ATE1: variants seen among roughly 807,000 people sequenced by gnomAD.
The protein encoded by ATE1 is arginyltransferase 1.
Under a neutral mutation model 70.5 loss-of-function variants are expected in ATE1, and 36 were observed. That is an observed-to-expected ratio of 0.51 (90% CI 0.39 to 0.67). The LOEUF is 0.67. Among genes scored for constraint, ATE1 ranks in the 30% least tolerant of loss-of-function variants. The probability of loss-of-function intolerance (pLI) is 0.00; values close to 1 mark genes in which losing one functional copy is unlikely to be tolerated. For missense variants in ATE1, 593 were observed against 629.5 expected, an observed-to-expected ratio of 0.94 and a Z score of 0.62; for synonymous variants, 232 against 219.3, an observed-to-expected ratio of 1.06 and a Z score of -0.51.
At chr10:121,927,147 A>C in intron 1 of ATE1, 1 of 985,376 alleles carries the variant, frequency 1.0e-6, no homozygotes, top group Non-Finnish European at 1.2e-6. Context: ...CCAGCAACAA[A>C]TCTCCCCCAA....
At position 121,840,977 on chromosome 10, in the gene ATE1, A is replaced by C. The variant is rs1049892393; in HGVS notation, c.1157+105T>G. The C allele has an allele frequency of 2.9e-6, 3 of 1,044,894 alleles. No homozygotes were observed. The African/African-American group carries it at 4.9e-5, about 17-fold the overall frequency. The allele number at this position is 1,044,894 out of a possible 1,614,324, so 64.7% of individuals were successfully genotyped here. On this transcript the variant is annotated intron_variant, in intron 9 of 11. Coordinates refer to ENST00000224652, the MANE Select transcript of ATE1 (RefSeq NM_001001976.3). Reference sequence around the variant, plus strand: ...GACTAGCAACAAATCATTATAATACACTGTCAATTAGGACTTCTACTGTTA... The same window carrying C: ...GACTAGCAACAAATCATTATAATACCCTGTCAATTAGGACTTCTACTGTTA...
intron 10 of ATE1, among the ~76,000 whole-genome samples, chr10:121,831,033 T>C (rs1948214856): frequency 6.6e-6 from 1 of 152,200 alleles, no homozygotes; most frequent in Non-Finnish European, 1.5e-5. Flanking sequence ...TGAAACACTA[T>C]AATTCCTGAA....
chr10:121,796,118 T>C (rs1212673339), intron 10 of ATE1, among the ~76,000 whole-genome samples: 1 of 152,132 alleles, frequency 6.6e-6, no homozygotes. Flanking sequence ...TGGAGAGTTC[T>C]TTCAATCCAC....
intron 11 of ATE1, among the ~76,000 whole-genome samples, chr10:121,750,824 A>G (rs1944549970): frequency 6.6e-6 from 1 of 152,262 alleles, no homozygotes; most frequent in South Asian, 2.1e-4. Flanking sequence ...TAGCTGGACA[A>G]AACTGATTTA....
intron 8 of ATE1, among the ~76,000 whole-genome samples, chr10:121,850,879 C>CA (rs1949026002): frequency 6.6e-6 from 1 of 151,496 alleles, no homozygotes; most frequent in Non-Finnish European, 1.5e-5. Flanking sequence ...ATCACGAGGT[C>CA]AGGAGATCGA....
intron 8 of ATE1, among the ~76,000 whole-genome samples, chr10:121,863,630 G>C (rs1252631684): frequency 6.6e-6 from 1 of 151,878 alleles, no homozygotes; most frequent in Non-Finnish European, 1.5e-5. Flanking sequence ...TATTTTTAGA[G>C]ATGTGGTATT....
intron 7 of ATE1, chr10:121,898,969 C>A: frequency 6.2e-7 from 1 of 1,612,638 alleles, no homozygotes; most frequent in Non-Finnish European, 8.5e-7. Flanking sequence ...ACTAACCTCA[C>A]CTTCAGAGCA....
At chr10:121,820,272 T>C (rs1403018859) in intron 10 of ATE1, among the ~76,000 whole-genome samples, 3 of 152,214 alleles carry the variant, frequency 2.0e-5, no homozygotes, top group Non-Finnish European at 2.9e-5. Context: ...AATTTAGATA[T>C]CATCATTTTA....
At chr10:121,928,259 G>T, upstream of ATE1, 1 of 1,419,714 alleles carries the variant, frequency 7.0e-7, no homozygotes, top group South Asian at 1.4e-5. Flanking sequence ...AGGGAAGCGG[G>T]AGTCGGGGTG....
intron 1 of ATE1, among the ~76,000 whole-genome samples, chr10:121,925,840 A>T (rs559869224): frequency 6.6e-6 from 1 of 151,754 alleles, no homozygotes; most frequent in South Asian, 2.1e-4. Flanking sequence ...GTAAGCTATG[A>T]ACACACCACT....
At chr10:121,888,633 C>T (rs1950483065) in intron 7 of ATE1, among the ~76,000 whole-genome samples, 1 of 152,070 alleles carries the variant, frequency 6.6e-6, no homozygotes, top group South Asian at 2.1e-4. Flanking sequence ...CTATTGGGCA[C>T]ACATCAAATA....
At position 121,841,163 on chromosome 10, in the gene ATE1, A is replaced by G. The variant is rs1389976218; in HGVS notation, c.1076T>C (p.Leu359Pro). Residue 359 changes from leucine to proline, a missense_variant, in exon 9 of 12, where the codon CTC becomes CCC. Transcript: ENST00000224652. ...ATACACAGATGATACACAGTTTGGG[A>G]GGATGTCAATCACCCCCACAGCAAT... The part of the protein sequence containing the change: ...KIIAVGVIDI[L>P]PNCVSSVYLY... 1 of 1,601,910 alleles carries G rather than the reference A, an allele frequency of 6.2e-7. No individual in the cohort carries two copies. The highest frequency in any genetic ancestry group is 8.5e-7 in the Non-Finnish European group (1 of 1,172,228).
intron 8 of ATE1, among the ~76,000 whole-genome samples, chr10:121,845,247 T>G (rs1202479652): frequency 1.3e-5 from 2 of 152,216 alleles, no homozygotes; most frequent in African/African-American, 4.8e-5. Context: ...AGATTAGTGT[T>G]GGCAGGAGTT....
intron 4 of ATE1, among the ~76,000 whole-genome samples, chr10:121,911,812 C>T (rs7074750): frequency 0.062 from 8,366 of 133,988 alleles, no homozygotes; most frequent in Middle Eastern, 0.094. Context: ...AGGGGCGCGA[C>T]CTCGGCTCAC....
At chr10:121,769,333 G>A (rs1182836882) in intron 11 of ATE1, among the ~76,000 whole-genome samples, 1 of 152,122 alleles carries the variant, frequency 6.6e-6, no homozygotes, top group Non-Finnish European at 1.5e-5. Context: ...GAGCAACTGG[G>A]TATCAACCAG....
rs1564956223 is a variant in ATE1 at position 121,910,897 on chromosome 10, C to G, written c.583+9G>C. 6 of 1,612,574 alleles carry G rather than the reference C, an allele frequency of 3.7e-6. No homozygotes were observed. The highest frequency in any genetic ancestry group is 5.1e-6 in the Non-Finnish European group (6 of 1,179,780). ...GTGAATATGACTTGGTATCAAAAAT[C>G]TTTACTACCTGGCTTAGGAACTGTG... On this transcript the variant is annotated intron_variant, in intron 5 of 11. Coordinates refer to ENST00000224652, the MANE Select transcript of ATE1 (RefSeq NM_001001976.3).
rs928486206 is a variant in ATE1, at chr10:121,759,131, C to T, written c.1379-15273G>A. 2.6e-5 allele frequency among the ~76,000 whole-genome samples: 4 copies of T among 152,140 alleles called. No homozygotes were observed. The East Asian group carries it at 5.8e-4, about 22-fold the overall frequency. On this transcript the variant is annotated intron_variant, in intron 11 of 11. Coordinates refer to ENST00000224652, the MANE Select transcript of ATE1 (RefSeq NM_001001976.3). ...ACAGACTGATGGCTCTTGTGCCAAA[C>T]GGCCAAGCTGCAAATACAAAAGAAA...
intron 10 of ATE1, among the ~76,000 whole-genome samples, chr10:121,831,520 A>T (rs1176842349): frequency 6.6e-6 from 1 of 152,152 alleles, no homozygotes; most frequent in Non-Finnish European, 1.5e-5. Flanking sequence ...TCAGCTCCGC[A>T]AGTCAGGCTT....
chr10:121,904,424 G>A (rs1054555712), intron 5 of ATE1, among the ~76,000 whole-genome samples: 2 of 151,206 alleles, frequency 1.3e-5, no homozygotes, highest in Admixed American at 6.6e-5. Flanking sequence ...GGCAGATCAC[G>A]AGGTCAGGAG....
Sources: allele counts gnomAD v4.1 joint callset (sites outside exome capture counted in the v4.1 genomes callset), GRCh38; gene constraint gnomAD v4.1.1; transcripts MANE v1.5; gene names NCBI Gene and HGNC (gene_info 2026-07-23, HGNC 2026-07-21).